The following TCOF1 variants were observed in gnomAD, a reference collection of about 807,000 sequenced individuals.
TCOF1 encodes treacle protein.
TCOF1 carries 33 observed loss-of-function variants against 149.0 expected under a neutral mutation model. The observed-to-expected ratio is 0.22, with a 90% confidence interval of 0.17 to 0.30. The LOEUF is 0.30. Among genes scored for constraint, TCOF1 ranks in the 10% least tolerant of loss-of-function variants. The probability of loss-of-function intolerance (pLI) is 1.00; values close to 1 mark genes in which losing one functional copy is unlikely to be tolerated. For synonymous variants in TCOF1, 789 were observed against 738.8 expected (o/e 1.07, Z -1.10); for missense variants, 1,728 against 1,840.7 (o/e 0.94, Z 1.12).
intron 17 of TCOF1, chr5:150,384,320 C>G (rs868853453): frequency 1.0e-6 from 1 of 986,394 alleles, no homozygotes; most frequent in African/African-American, 1.7e-5. Context: ...AGGGTGGCTC[C>G]CTTTGTTGTT....
chr5:150,396,437 G>T lies in TCOF1; in HGVS notation c.3940G>T (p.Ala1314Ser). 1 of 1,614,078 alleles carries T rather than the reference G, an allele frequency of 6.2e-7. No individual in the cohort carries two copies. The highest frequency in any genetic ancestry group is 8.5e-7 in the Non-Finnish European group (1 of 1,180,032). The change falls in exon 24 of 27, where the codon GCC becomes TCC. Residue 1314 changes from alanine (A) to serine (S), a missense_variant. By Grantham distance (99) the Ala-to-Ser change is moderately conservative. This residue lies in a region of TCOF1 where 1,696 missense variants were observed against 1,765.4 expected (regional missense o/e 0.96). Coordinates refer to ENST00000643257, the MANE Select transcript of TCOF1 (RefSeq NM_001371623.1). ...PWPLNEAQVQ[A>S]SVVKVLTELL... ...GCCCCTGAATGAGGCCCAGGTGCAG[G>T]CCTCAGTGGTGAAGGTCCTGACTGA...
At chr5:150,372,511 T>A (rs1198139409) in intron 7 of TCOF1, among the ~76,000 whole-genome samples, 1 of 152,208 alleles carries the variant, frequency 6.6e-6, no homozygotes, top group Non-Finnish European at 1.5e-5. Flanking sequence ...GATTGCCTAA[T>A]CCTCTGACTT....
intron 2 of TCOF1, among the ~76,000 whole-genome samples, chr5:150,361,481 C>A (rs923884582): frequency 1.3e-5 from 2 of 152,204 alleles, no homozygotes; most frequent in African/African-American, 4.8e-5. Context: ...TATTGAGCAC[C>A]TCCTGAAAGC....
At chr5:150,385,788 T>C (rs1469885719) in intron 17 of TCOF1, among the ~76,000 whole-genome samples, 1 of 152,184 alleles carries the variant, frequency 6.6e-6, no homozygotes, top group Non-Finnish European at 1.5e-5. Context: ...GGGTTCCCTC[T>C]GGGTCCTTAC....
chr5:150,393,645 C>T (rs1581211822), intron 23 of TCOF1, 93 bp downstream of exon 23: 6 of 1,528,680 alleles, frequency 3.9e-6, no homozygotes, highest in Non-Finnish European at 5.4e-6. Context: ...GTCCTCCCAA[C>T]ATGGTCCTGT....
intron 17 of TCOF1, among the ~76,000 whole-genome samples, chr5:150,386,591 G>T (rs756813892): frequency 1.3e-5 from 2 of 151,024 alleles, no homozygotes; most frequent in Non-Finnish European, 3.0e-5. Context: ...TCAGGCTCAG[G>T]GGGTAAACAG....
At chr5:150,375,946 T>C in intron 12 of TCOF1, 37 bp downstream of exon 12, 1 of 1,613,980 alleles carries the variant, frequency 6.2e-7, no homozygotes, top group East Asian at 2.2e-5. Context: ...CATGGCCTGA[T>C]CTGCCACACC....
chr5:150,357,932 C>T, intron 1 of TCOF1, 78 bp downstream of exon 1: 2 of 1,482,496 alleles, frequency 1.3e-6, no homozygotes, highest in Admixed American at 2.0e-5. Flanking sequence ...GCCCCGTCCC[C>T]AGGCGACCCG....
Position 150,383,152 on chromosome 5 carries a change from G to A in TCOF1, c.2859+3420G>A, listed in dbSNP as rs1223360612. On this transcript the variant is annotated intron_variant, in intron 17 of 26. Coordinates refer to ENST00000643257, the MANE Select transcript of TCOF1 (RefSeq NM_001371623.1). ...GGAGGGGTCCTCGGAGAGCAGTGAG[G>A]AAGAGCTGCCACTGACCCAGGTGCG... The A allele has an allele frequency of 2.6e-6, 4 of 1,535,948 alleles. No homozygotes were observed. The South Asian group carries it at 3.6e-5, about 14-fold the overall frequency.
intron 22 of TCOF1, 29 bp downstream of exon 22, chr5:150,392,819 C>A: frequency 6.2e-7 from 1 of 1,610,716 alleles, no homozygotes; most frequent in East Asian, 2.2e-5. Context: ...ACTGGCAGCC[C>A]ATAGGCCTTA....
intron 17 of TCOF1, among the ~76,000 whole-genome samples, chr5:150,381,026 AAG>A (rs1765048882): frequency 6.6e-6 from 1 of 152,124 alleles, no homozygotes; most frequent in Non-Finnish European, 1.5e-5. Context: ...AAATAAAAAA[AAG>A]AGATGATAAA....
chr5:150,376,712 A>C, intron 14 of TCOF1, 92 bp downstream of exon 14: 1 of 1,349,720 alleles, frequency 7.4e-7, no homozygotes, highest in Non-Finnish European at 1.0e-6. Context: ...TGTTGCCTGC[A>C]GGTGTGCAGA....
At chr5:150,393,630 C>A (rs995493062) in intron 23 of TCOF1, 78 bp downstream of exon 23, 3 of 1,574,562 alleles carry the variant, frequency 1.9e-6, no homozygotes, top group Non-Finnish European at 2.6e-6. Context: ...CCTCCTGTAG[C>A]AACAGTCCTC....
In TCOF1 at chr5:150,376,024, C is replaced by T. The variant is rs989753914; in HGVS notation, c.1894-58C>T. The T allele has an allele frequency of 3.1e-6, 5 of 1,613,154 alleles. No homozygotes were observed. In the East Asian group the frequency reaches 8.9e-5, roughly 29 times the overall value. On this transcript the variant is annotated intron_variant, in intron 12 of 26. Coordinates refer to ENST00000643257, the MANE Select transcript of TCOF1 (RefSeq NM_001371623.1). Reference sequence around the variant, plus strand: ...ATGGGTTTTGGCTGGTGGGGCAGAACAGATGGGGGACTCTGAGTTCAGGAA... The same window carrying T: ...ATGGGTTTTGGCTGGTGGGGCAGAATAGATGGGGGACTCTGAGTTCAGGAA...
intron 17 of TCOF1, among the ~76,000 whole-genome samples, chr5:150,386,794 A>G (rs558003941): frequency 6.6e-6 from 1 of 152,324 alleles, no homozygotes; most frequent in South Asian, 2.1e-4. Flanking sequence ...CGTTAGCTGG[A>G]GGTTCAGGAA....
At chr5:150,373,547 C>A (rs900645007) in intron 7 of TCOF1, among the ~76,000 whole-genome samples, 7 of 152,212 alleles carry the variant, frequency 4.6e-5, no homozygotes, top group Non-Finnish European at 4.4e-5. Context: ...TGCAGCCACC[C>A]TGCCAAAGCC....
rs1581115339 is a variant in TCOF1 at position 150,375,450 on chromosome 5, C to G, written c.1600C>G (p.Pro534Ala). 3 of 1,612,028 alleles carry G rather than the reference C, an allele frequency of 1.9e-6. No homozygotes were observed. The highest frequency in any genetic ancestry group is 1.7e-6 in the Non-Finnish European group (2 of 1,179,166). Reference sequence around the variant, plus strand: ...ACCCGGGAAGGTGGGGCCTGCAACCCCCTCAGCCCAGGTGGGGAAGTGGGA... The same window carrying G: ...ACCCGGGAAGGTGGGGCCTGCAACCGCCTCAGCCCAGGTGGGGAAGTGGGA... The part of the protein sequence containing the change: ...VPPGKVGPAT[P>A]SAQVGKWEED... The change falls in exon 11 of 27, where the codon CCC becomes GCC. Residue 534 changes from proline to alanine, a missense_variant. This residue lies in a region of TCOF1 where 1,696 missense variants were observed against 1,765.4 expected (regional missense o/e 0.96). Coordinates refer to ENST00000643257, the MANE Select transcript of TCOF1 (RefSeq NM_001371623.1).
At chr5:150,399,102 G>A in intron 26 of TCOF1, 32 bp downstream of exon 26, 1 of 1,614,116 alleles carries the variant, frequency 6.2e-7, no homozygotes, top group Non-Finnish European at 8.5e-7. Context: ...GAGCATTCAG[G>A]GTGGGAGGAC....
intron 14 of TCOF1, 139 bp from the exon 15 acceptor site, chr5:150,378,766 G>T: frequency 2.5e-6 from 3 of 1,196,546 alleles, no homozygotes; most frequent in Non-Finnish European, 3.7e-6. Flanking sequence ...GAGATCAAGT[G>T]ATGAGCTCAG....
Sources: allele counts gnomAD v4.1 joint callset (sites outside exome capture counted in the v4.1 genomes callset), GRCh38; gene constraint gnomAD v4.1.1; regional missense constraint gnomAD v4.1.1; transcripts MANE v1.5; gene names NCBI Gene and HGNC (gene_info 2026-07-23, HGNC 2026-07-21).